Variants in GOLM1 observed in about 807,000 individuals in gnomAD.
GOLM1 encodes epididymis luminal protein 46.
Under a neutral mutation model 50.5 loss-of-function variants are expected in GOLM1, and 31 were observed. The observed-to-expected ratio is 0.61, with a 90% confidence interval of 0.46 to 0.83. GOLM1 has a LOEUF of 0.83. Among genes scored for constraint, GOLM1 ranks in the 40% least tolerant of loss-of-function variants. The pLI, the probability that GOLM1 is intolerant of heterozygous loss-of-function variation, is 0.00. For synonymous variants in GOLM1, 178 were observed against 192.8 expected, an observed-to-expected ratio of 0.92 and a Z score of 0.64; for missense variants, 491 against 501.3, an observed-to-expected ratio of 0.98 and a Z score of 0.20.
chr9:86,081,448 G>C (rs1473196289), intron 1 of GOLM1, among the ~76,000 whole-genome samples: 3 of 151,704 alleles, frequency 2.0e-5, no homozygotes, highest in African/African-American at 7.3e-5. Flanking sequence ...CGTCTGCCTC[G>C]TTCTCCCAAA....
intron 1 of GOLM1, among the ~76,000 whole-genome samples, chr9:86,085,703 C>G (rs951591580): frequency 3.3e-5 from 5 of 152,086 alleles, no homozygotes; most frequent in African/African-American, 1.2e-4. Flanking sequence ...CATTGTTCAG[C>G]TCCCACTTAT....
chr9:86,041,177 G>A (rs554429137), intron 5 of GOLM1, among the ~76,000 whole-genome samples: 2 of 152,208 alleles, frequency 1.3e-5, no homozygotes, highest in South Asian at 4.2e-4. Context: ...CTGGCTACTG[G>A]CACAGAGCTC....
chr9:86,096,012 T>C lies in GOLM1; in HGVS notation c.-22+3399A>G, dbSNP rs540875296. Among the ~76,000 whole-genome samples the C allele has an allele frequency of 1.6e-4, 25 of 152,344 alleles. 2 individuals carry two copies. The South Asian group carries it at 5.0e-3, about 30-fold the overall frequency. ...TGGTGAGTTGTATAATCCCCCTCTC[T>C]GTATCTTATTCAATCCTTGTAAAAG... is the stretch of plus-strand genomic sequence containing the variant. On this transcript the variant is annotated intron_variant, in intron 1 of 9. Transcript: ENST00000388712.
intron 1 of GOLM1, among the ~76,000 whole-genome samples, chr9:86,095,159 C>T (rs10118182): frequency 6.6e-6 from 1 of 151,718 alleles, no homozygotes; most frequent in African/African-American, 2.4e-5. Context: ...CACAAACTGC[C>T]GCCCAAGGGC....
At chr9:86,038,845 T>C (rs1293593183) in intron 6 of GOLM1, among the ~76,000 whole-genome samples, 4 of 152,062 alleles carry the variant, frequency 2.6e-5, no homozygotes, top group Non-Finnish European at 5.9e-5. Flanking sequence ...GATAAAACTC[T>C]GAGAAGAAAA....
intron 7 of GOLM1, 68 bp from the exon 8 acceptor site, chr9:86,035,693 A>C (rs1473558100): frequency 2.6e-6 from 3 of 1,138,574 alleles, no homozygotes; most frequent in Non-Finnish European, 3.7e-6. Context: ...AAAAAAAAAA[A>C]GCAAAACCTG....
chr9:86,058,327 C>T (rs1834048573), intron 3 of GOLM1, among the ~76,000 whole-genome samples: 1 of 152,182 alleles, frequency 6.6e-6, no homozygotes, highest in Non-Finnish European at 1.5e-5. Flanking sequence ...CCAATATGTA[C>T]ATGAAAGATG....
rs1257541620 is a variant in GOLM1, at chr9:86,027,789, G to A, written c.*28C>T. On this transcript the variant is annotated 3_prime_UTR_variant, in exon 10 of 10. Transcript: ENST00000388712. ...ATTTTATAGTCATCTCTTCGGCCCT[G>A]TTGTGAAATATGTGATTCCAGTTCA... The A allele has an allele frequency of 6.2e-7, 1 of 1,609,062 alleles. No individual in the cohort carries two copies. The highest frequency in any genetic ancestry group is 1.3e-5 in the African/African-American group (1 of 74,614).
intron 3 of GOLM1, among the ~76,000 whole-genome samples, chr9:86,063,123 T>C (rs1351924041): frequency 6.6e-6 from 1 of 152,208 alleles, no homozygotes; most frequent in Non-Finnish European, 1.5e-5. Flanking sequence ...CCCCACACAC[T>C]GCCAACAGGG....
intron 3 of GOLM1, among the ~76,000 whole-genome samples, chr9:86,060,919 A>AGG (rs1302894850): frequency 5.0e-5 from 7 of 140,568 alleles, no homozygotes; most frequent in Admixed American, 2.1e-4. Flanking sequence ...AAAAAAGAAG[A>AGG]AGAAGAAGAA....
At position 86,079,316 on chromosome 9, in the gene GOLM1, A is replaced by G. The variant is rs1834718004; in HGVS notation, c.5T>C (p.Met2Thr). 1.3e-6 allele frequency: 2 copies of G among 1,588,654 alleles called. No individual in the cohort carries two copies. Among genetic ancestry groups the G allele is most frequent in the Non-Finnish European group, 1.7e-6 (2 of 1,168,348 alleles). The change falls in exon 2 of 10, where the codon ATG (methionine) becomes ACG (threonine). Residue 2 changes from methionine to threonine, a missense_variant. Physicochemically the swap from Met to Thr is moderately conservative, Grantham distance 81. Transcript: ENST00000388712. ...GCTGCGACGCCCGTTTCCCAAGCCCATCATCTCAAAATCAGCGCTGAGAAT... is the reference window on the plus strand; with the variant it reads ...GCTGCGACGCCCGTTTCCCAAGCCCGTCATCTCAAAATCAGCGCTGAGAAT... M[M>T]GLGNGRRSMK...
chr9:86,077,702 A>AT, intron 2 of GOLM1, 111 bp from the exon 3 acceptor site: 2 of 722,550 alleles, frequency 2.8e-6, no homozygotes, highest in Non-Finnish European at 4.8e-6. Flanking sequence ...CACCAGTCTT[A>AT]TACACACAAG....
intron 1 of GOLM1, 73 bp from the exon 2 acceptor site, chr9:86,079,414 A>C: frequency 8.0e-7 from 1 of 1,245,106 alleles, no homozygotes; most frequent in Admixed American, 2.4e-5. Context: ...TATCATCCTT[A>C]CAACCAAGAG....
At chr9:86,032,383 G>A (rs1379389860) in intron 9 of GOLM1, among the ~76,000 whole-genome samples, 1 of 152,090 alleles carries the variant, frequency 6.6e-6, no homozygotes, top group Non-Finnish European at 1.5e-5. Flanking sequence ...TAGCCAGGAT[G>A]GTCTCAATCT....
rs758013957 is a variant in GOLM1, at chr9:86,040,841, C to T, written c.495G>A (p.Glu165=). 5 of 1,613,816 alleles carry T rather than the reference C, an allele frequency of 3.1e-6. No homozygotes were observed. The East Asian group carries it at 1.1e-4, about 36-fold the overall frequency. Residue 165 remains glutamate (E), a synonymous_variant, in exon 6 of 10, where the codon GAG becomes GAA. Coordinates refer to ENST00000388712, the MANE Select transcript of GOLM1 (RefSeq NM_016548.4). The part of the protein sequence containing the change: ...DLSQCINQMK[E]VKEQCEERIE... ...TTCGCTCCTCACACTGTTCCTTCACCTCCTTCATCTGATTGATGCACTGGC... is the reference window on the plus strand; with the variant it reads ...TTCGCTCCTCACACTGTTCCTTCACTTCCTTCATCTGATTGATGCACTGGC...
chr9:86,048,401 G>T (rs921574636), intron 4 of GOLM1, among the ~76,000 whole-genome samples: 1 of 152,134 alleles, frequency 6.6e-6, no homozygotes, highest in Non-Finnish European at 1.5e-5. Flanking sequence ...TAATGGGATG[G>T]CTGGGTCAAA....
rs1832826748 is a variant in GOLM1, at chr9:86,027,628, C to A, written c.*189G>T. ...CACCTTATTAGACACTTCCAAAGTA[C>A]CCCCCAAAAGCTGTTTAAAAGACCA... On this transcript the variant is annotated 3_prime_UTR_variant, in exon 10 of 10. Coordinates refer to ENST00000388712, the MANE Select transcript of GOLM1 (RefSeq NM_016548.4). The A allele has an allele frequency of 2.2e-6, 3 of 1,360,852 alleles. No individual in the cohort carries two copies. Among genetic ancestry groups the A allele is most frequent in the Admixed American group, 3.6e-5 (1 of 28,070 alleles). 84.3% of individuals were successfully genotyped at this position (1,360,852 alleles called of 1,614,324 possible).
chr9:86,097,415 T>C (rs1325096487), intron 1 of GOLM1, among the ~76,000 whole-genome samples: 1 of 152,194 alleles, frequency 6.6e-6, no homozygotes, highest in Non-Finnish European at 1.5e-5. Context: ...TCACATTACG[T>C]CACTGAAAAA....
rs147554398 is a variant in GOLM1 at position 86,078,668 on chromosome 9, G to A, written c.129+524C>T. Among the ~76,000 whole-genome samples, 321 of 152,250 alleles carry A rather than the reference G, an allele frequency of 2.1e-3. 1 individual carries two copies. The highest frequency in any genetic ancestry group is 7.2e-3 in the African/African-American group (301 of 41,540). ...GGGCCCGACTCAAGTTCAATCAAGA[G>A]GAGCATCTTTGTCACTGCTCAGCAC... On this transcript the variant is annotated intron_variant, in intron 2 of 9. Coordinates refer to ENST00000388712, the MANE Select transcript of GOLM1 (RefSeq NM_016548.4).
Sources: gnomAD v4.1 joint callset for allele counts (sites outside exome capture counted in the v4.1 genomes callset) on GRCh38, gnomAD v4.1.1 for gene constraint, MANE v1.5 for transcripts, NCBI Gene and HGNC (gene_info 2026-07-23, HGNC 2026-07-21) for gene names.